The following KIAA2012 variants were observed in gnomAD, a reference collection of about 807,000 sequenced individuals.
The protein encoded by KIAA2012 is KIAA2012.
Under a neutral mutation model 150.6 loss-of-function variants are expected in KIAA2012, and 125 were observed. The ratio of observed to expected loss-of-function variants is 0.83; its 90% CI spans 0.72 to 0.96. The LOEUF (loss-of-function observed/expected upper bound fraction) is 0.96, where lower values mean the gene tolerates loss of function less well. Among genes scored for constraint, KIAA2012 ranks in the 40% least tolerant of loss-of-function variants. The pLI is 0.00. For missense variants in KIAA2012, 1,219 were observed against 1,354.9 expected, an observed-to-expected ratio of 0.90 and a Z score of 1.57; for synonymous variants, 462 against 504.7, an observed-to-expected ratio of 0.92 and a Z score of 1.13.
chr2:202,128,411 G>A (rs1217933828), intron 12 of KIAA2012, among the ~76,000 whole-genome samples: 1 of 150,812 alleles, frequency 6.6e-6, no homozygotes, highest in Non-Finnish European at 1.5e-5. Context: ...GACTACAGGT[G>A]CTTGCCATCA....
chr2:202,117,254 G>A (rs1360080596), intron 11 of KIAA2012, among the ~76,000 whole-genome samples: 1 of 152,240 alleles, frequency 6.6e-6, no homozygotes, highest in African/African-American at 2.4e-5. Context: ...GTCATTTTGT[G>A]ATGGTCTGTG....
intron 12 of KIAA2012, among the ~76,000 whole-genome samples, chr2:202,132,423 T>C (rs1690952360): frequency 6.6e-6 from 1 of 151,754 alleles, no homozygotes; most frequent in Non-Finnish European, 1.5e-5. Context: ...TCCCAGCACT[T>C]TGGGAGGCCG....
chr2:202,076,987 A>G, intron 2 of KIAA2012: 8 of 457,042 alleles, frequency 1.8e-5, no homozygotes, highest in South Asian at 1.2e-4. Context: ...AAGAAGAGGA[A>G]GACCACAGTA....
intron 2 of KIAA2012, among the ~76,000 whole-genome samples, chr2:202,086,520 T>C (rs186148255): frequency 6.6e-6 from 1 of 152,306 alleles, no homozygotes; most frequent in East Asian, 1.9e-4. Flanking sequence ...CACCATCCTC[T>C]CTATAATTCT....
chr2:202,194,416 T>A lies in KIAA2012; in HGVS notation c.3187+54T>A, dbSNP rs1692376234. On this transcript the variant is annotated intron_variant, in intron 21 of 23. Transcript: ENST00000498697. ...TCTCTTCTACTTGGGGCAGAAACAC[T>A]TTTATCCAGCTGTGAGTGTTCATTT... The A allele has an allele frequency of 2.6e-6, 4 of 1,536,008 alleles. No homozygotes were observed. The South Asian group carries it at 4.8e-5, about 19-fold the overall frequency.
intron 15 of KIAA2012, among the ~76,000 whole-genome samples, chr2:202,166,787 G>T (rs1289410477): frequency 6.6e-6 from 1 of 152,112 alleles, no homozygotes; most frequent in African/African-American, 2.4e-5. Flanking sequence ...CAGTGAACCA[G>T]TTGCCACCTG....
intron 22 of KIAA2012, chr2:202,201,464 G>C: frequency 1.9e-6 from 3 of 1,592,992 alleles, no homozygotes; most frequent in Non-Finnish European, 1.7e-6. Context: ...CTGCCTGCAT[G>C]ACTGCAAGCT....
intron 5 of KIAA2012, 146 bp from the exon 6 acceptor site, chr2:202,099,467 G>C (rs1286403975): frequency 3.5e-6 from 2 of 567,354 alleles, no homozygotes; most frequent in Non-Finnish European, 6.1e-6. Flanking sequence ...TAAAGAGCTT[G>C]CTGTTATAAC....
chr2:202,123,575 G>A (rs1307739089), intron 11 of KIAA2012, among the ~76,000 whole-genome samples: 1 of 152,158 alleles, frequency 6.6e-6, no homozygotes, highest in Admixed American at 6.5e-5. Context: ...CAGGAGCACC[G>A]AGAGGCAGGC....
intron 9 of KIAA2012, 103 bp from the exon 10 acceptor site, chr2:202,109,498 TTCTTCATAGCAG>T (rs1283181569): frequency 4.8e-6 from 4 of 827,910 alleles, no homozygotes; most frequent in Non-Finnish European, 7.2e-6. Context: ...CAATTACCAG[TTCTTCATAGCAG>T]TCTTCACACA....
intron 2 of KIAA2012, among the ~76,000 whole-genome samples, chr2:202,077,376 C>T (rs1689348510): frequency 6.6e-6 from 1 of 152,136 alleles, no homozygotes; most frequent in Non-Finnish European, 1.5e-5. Flanking sequence ...CTTCAGGTAA[C>T]AGAGATCTTA....
intron 2 of KIAA2012, among the ~76,000 whole-genome samples, chr2:202,080,107 C>T (rs1689412335): frequency 6.6e-6 from 1 of 152,104 alleles, no homozygotes; most frequent in Non-Finnish European, 1.5e-5. Context: ...TCCAAAGCCC[C>T]ACGTTTAACC....
chr2:202,165,349 C>T lies in KIAA2012; in HGVS notation c.2112C>T (p.Asn704=), dbSNP rs918151019. ...AGRPLRETHH[N]DQDPEPRSMT... ...GACCCCTCAGAGAAACTCACCACAA[C>T]GACCAAGGTACAGACCACTAGGTGG... The change falls in exon 15 of 24, where the codon AAC becomes AAT. Residue 704 remains asparagine, a synonymous_variant. Transcript: ENST00000498697. The T allele has an allele frequency of 1.5e-5, 24 of 1,550,046 alleles. No individual in the cohort carries two copies. The highest frequency in any genetic ancestry group is 7.3e-5 in the East Asian group (3 of 40,908).
intron 15 of KIAA2012, among the ~76,000 whole-genome samples, chr2:202,168,204 AG>A (rs1425519006): frequency 1.3e-5 from 2 of 151,996 alleles, no homozygotes; most frequent in Non-Finnish European, 2.9e-5. Flanking sequence ...GTGGATCACA[AG>A]GTCAAGAGAT....
At chr2:202,160,132 T>C (rs1691617864) in intron 14 of KIAA2012, among the ~76,000 whole-genome samples, 1 of 152,086 alleles carries the variant, frequency 6.6e-6, no homozygotes, top group Admixed American at 6.6e-5. Context: ...GGAGCTAGGA[T>C]TCAAAGCCAA....
At chr2:202,080,696 CAAAAAA>C (rs59085497) in intron 2 of KIAA2012, among the ~76,000 whole-genome samples, 3 of 104,756 alleles carry the variant, frequency 2.9e-5, no homozygotes, top group African/African-American at 3.5e-5. Context: ...AACTCCGTCT[CAAAAAA>C]AAAAAAAAAA....
intron 2 of KIAA2012, among the ~76,000 whole-genome samples, chr2:202,076,532 C>T (rs1689327201): frequency 6.6e-6 from 1 of 152,026 alleles, no homozygotes; most frequent in Admixed American, 6.6e-5. Flanking sequence ...AAAAGAAAAC[C>T]AATTGTTGAA....
intron 2 of KIAA2012, among the ~76,000 whole-genome samples, chr2:202,080,001 G>A (rs181573688): frequency 1.7e-3 from 261 of 152,256 alleles, no homozygotes; most frequent in African/African-American, 5.0e-3. Flanking sequence ...CATTACCTCC[G>A]TTTTATAGGA....
intron 14 of KIAA2012, among the ~76,000 whole-genome samples, chr2:202,156,182 G>A (rs1003471829): frequency 2.6e-5 from 4 of 151,878 alleles, no homozygotes; most frequent in Admixed American, 1.3e-4. Flanking sequence ...CCCAGCCTGG[G>A]CAACATAGTG....
Sources: gnomAD v4.1 joint callset for allele counts (sites outside exome capture counted in the v4.1 genomes callset) on GRCh38, gnomAD v4.1.1 for gene constraint, MANE v1.5 for transcripts, NCBI Gene and HGNC (gene_info 2026-07-23, HGNC 2026-07-21) for gene names.